Variants in SHISA9 observed in about 807,000 individuals in gnomAD.
SHISA9 encodes the protein shisa family member 9.
SHISA9 carries 13 observed loss-of-function variants against 38.0 expected under a neutral mutation model. The observed-to-expected ratio is 0.34, with a 90% CI of 0.22 to 0.54. The LOEUF (loss-of-function observed/expected upper bound fraction) is 0.54, where lower values mean the gene tolerates loss of function less well. Among genes scored for constraint, SHISA9 ranks in the 20% least tolerant of loss-of-function variants. The pLI is 0.91. For missense variants in SHISA9, 538 were observed against 575.8 expected, an observed-to-expected ratio of 0.93 and a Z score of 0.67; for synonymous variants, 275 against 242.0, an observed-to-expected ratio of 1.14 and a Z score of -1.27.
intron 2 of SHISA9, among the ~76,000 whole-genome samples, chr16:13,140,069 T>A (rs544175781): frequency 7.9e-5 from 8 of 101,040 alleles, no homozygotes; most frequent in Non-Finnish European, 1.4e-4. Flanking sequence ...CTCTCCTCTC[T>A]TCTCCTTTCC....
At chr16:13,420,955 G>A in the SHISA9 span, among the ~76,000 whole-genome samples, 1 of 152,202 alleles carries the variant, frequency 6.6e-6, no homozygotes, top group Non-Finnish European at 1.5e-5. Context: ...TTTTGCTTCA[G>A]GGGAAAGCAG....
In SHISA9 at chr16:13,122,604, C is replaced by G. The variant is rs978168484; in HGVS notation, c.692-80790C>G. ...CAGTTTTCTATAAGGAGCAAACAGG[C>G]AAGCATAATTATTGGCTGTTGCAGA... On this transcript the variant is annotated intron_variant, in intron 2 of 4. Coordinates refer to ENST00000558583, the MANE Select transcript of SHISA9 (RefSeq NM_001145204.3). Among the ~76,000 whole-genome samples the G allele has an allele frequency of 2.6e-5, 4 of 152,106 alleles. No individual in the cohort carries two copies. The East Asian group carries it at 7.7e-4, about 29-fold the overall frequency.
At chr16:13,111,360 C>G (rs1312386451) in intron 2 of SHISA9, among the ~76,000 whole-genome samples, 1 of 146,964 alleles carries the variant, frequency 6.8e-6, no homozygotes, top group Admixed American at 6.8e-5. Context: ...AAAAAAAAAA[C>G]CCAAAAACAA....
the SHISA9 span, among the ~76,000 whole-genome samples, chr16:13,268,336 C>G: frequency 2.6e-5 from 4 of 152,056 alleles, no homozygotes; most frequent in Non-Finnish European, 2.9e-5. Context: ...ATGGTGAAAC[C>G]CTGACTTTCC....
the SHISA9 span, among the ~76,000 whole-genome samples, chr16:13,561,911 G>A: frequency 6.6e-6 from 1 of 152,140 alleles, no homozygotes. Flanking sequence ...TGGTATAGCT[G>A]GCAAATTAAA....
chr16:13,388,900 C>A, the SHISA9 span, among the ~76,000 whole-genome samples: 2 of 152,084 alleles, frequency 1.3e-5, no homozygotes, highest in Non-Finnish European at 2.9e-5. Flanking sequence ...ATACAGAGAA[C>A]CTTTGTAAAA....
At chr16:13,252,977 CTCT>C in the SHISA9 span, among the ~76,000 whole-genome samples, 3 of 152,306 alleles carry the variant, frequency 2.0e-5, no homozygotes, top group Admixed American at 1.3e-4. Context: ...CTTCTCACTC[CTCT>C]TCTTTAGCCT....
chr16:13,368,898 G>A, the SHISA9 span, among the ~76,000 whole-genome samples: 1 of 152,174 alleles, frequency 6.6e-6, no homozygotes, highest in Non-Finnish European at 1.5e-5. Flanking sequence ...ATGCATACAT[G>A]TGGTATATCA....
chr16:13,015,860 TTCTTTCTTTCTTTC>T (rs2072739813), intron 2 of SHISA9, among the ~76,000 whole-genome samples: 1 of 57,216 alleles, frequency 1.7e-5, no homozygotes, highest in African/African-American at 8.1e-5. Context: ...TTCCCTTTCT[TTCTTTCTTTCTTTC>T]TTTCTTTCTT....
Position 13,081,178 on chromosome 16 carries a change from G to A in SHISA9, c.692-122216G>A, listed in dbSNP as rs373187312. ...TAGTCTCATTTTATTTAATTTAGAA[G>A]TTTTTGCTGTACCTAGGGATGGATA... On this transcript the variant is annotated intron_variant, in intron 2 of 4. Coordinates refer to ENST00000558583, the MANE Select transcript of SHISA9 (RefSeq NM_001145204.3). Among the ~76,000 whole-genome samples the A allele has an allele frequency of 1.6e-4, 24 of 152,202 alleles. 1 individual carries two copies. The highest frequency in any genetic ancestry group is 9.8e-4 in the Admixed American group (15 of 15,286).
Position 12,935,393 on chromosome 16 carries a change from C to A in SHISA9, c.691+18578C>A, listed in dbSNP as rs753022378. ...CTGATGATATTTCCTGCGTTATTTT[C>A]TTGCCCTGTGGCTTAGCTCCTGTGG... On this transcript the variant is annotated intron_variant, in intron 2 of 4. Coordinates refer to ENST00000558583, the MANE Select transcript of SHISA9 (RefSeq NM_001145204.3). Among the ~76,000 whole-genome samples the A allele has an allele frequency of 2.3e-4, 35 of 152,160 alleles. 1 individual carries two copies. The highest frequency in any genetic ancestry group is 4.9e-4 in the Non-Finnish European group (33 of 68,036).
chr16:13,562,491 G>A, the SHISA9 span, among the ~76,000 whole-genome samples: 6 of 152,050 alleles, frequency 3.9e-5, no homozygotes, highest in South Asian at 4.2e-4. Context: ...TTAGATGGGC[G>A]TGGTGGCAGG....
At chr16:13,164,905 C>A (rs2050623348) in intron 2 of SHISA9, among the ~76,000 whole-genome samples, 1 of 152,072 alleles carries the variant, frequency 6.6e-6, no homozygotes. Context: ...CAATATGGTT[C>A]ATCTGTGGAT....
the SHISA9 span, among the ~76,000 whole-genome samples, chr16:13,454,178 A>G: frequency 6.6e-6 from 1 of 152,234 alleles, no homozygotes; most frequent in Non-Finnish European, 1.5e-5. Context: ...GTGCACAATT[A>G]TAAAAGGTTG....
the SHISA9 span, among the ~76,000 whole-genome samples, chr16:13,403,222 T>C: frequency 4.0e-4 from 61 of 152,258 alleles, no homozygotes; most frequent in Non-Finnish European, 1.8e-4. Flanking sequence ...CATGAGGATT[T>C]CTTGATTCCA....
the SHISA9 span, among the ~76,000 whole-genome samples, chr16:13,360,869 G>T: frequency 1.3e-5 from 2 of 152,166 alleles, no homozygotes; most frequent in Non-Finnish European, 2.9e-5. Flanking sequence ...CAGTTCCTCA[G>T]AGGGCTCCTG....
chr16:13,484,108 T>C, the SHISA9 span, among the ~76,000 whole-genome samples: 1 of 151,994 alleles, frequency 6.6e-6, no homozygotes, highest in Non-Finnish European at 1.5e-5. Flanking sequence ...AGGCAGATAG[T>C]GTAAGAATCA....
chr16:13,116,154 A>G (rs965416986), intron 2 of SHISA9, among the ~76,000 whole-genome samples: 2 of 152,262 alleles, frequency 1.3e-5, no homozygotes, highest in East Asian at 1.9e-4. Flanking sequence ...TTTCATCTCC[A>G]TCTGTCACTC....
intron 2 of SHISA9, among the ~76,000 whole-genome samples, chr16:13,171,499 C>T (rs1336499941): frequency 1.5e-5 from 2 of 136,302 alleles, no homozygotes; most frequent in South Asian, 2.4e-4. Flanking sequence ...GGGGTGGGGG[C>T]GGGAGTCAAG....
Sources: gnomAD v4.1 joint callset for allele counts (sites outside exome capture counted in the v4.1 genomes callset) on GRCh38, gnomAD v4.1.1 for gene constraint, MANE v1.5 for transcripts, NCBI Gene and HGNC (gene_info 2026-07-23, HGNC 2026-07-21) for gene names.